CTNNA2: variants seen among roughly 807,000 people sequenced by gnomAD.
The protein encoded by CTNNA2 is catenin alpha-2.
Under a neutral mutation model 101.0 loss-of-function variants are expected in CTNNA2, and 42 were observed. The observed-to-expected ratio is 0.42, with a 90% CI of 0.32 to 0.54. CTNNA2 has a LOEUF of 0.54. Among genes scored for constraint, CTNNA2 ranks in the 20% least tolerant of loss-of-function variants. The probability of loss-of-function intolerance (pLI) is 0.14; values close to 1 mark genes in which losing one functional copy is unlikely to be tolerated. For synonymous variants in CTNNA2, 450 were observed against 456.4 expected (o/e 0.99, Z 0.18); for missense variants, 871 against 1,223.1 (o/e 0.71, Z 4.29).
chr2:80,146,716 T>TG (rs1558851265), intron 7 of CTNNA2, among the ~76,000 whole-genome samples: 2 of 76,254 alleles, frequency 2.6e-5, no homozygotes, highest in East Asian at 6.0e-4. Context: ...TCTGGTTTTT[T>TG]TTTTTTTTTT....
chr2:80,224,606 G>A (rs1159649614), intron 7 of CTNNA2, among the ~76,000 whole-genome samples: 4 of 151,832 alleles, frequency 2.6e-5, no homozygotes, highest in African/African-American at 4.8e-5. Context: ...CACCATGCCC[G>A]GCTAATGTTT....
chr2:79,397,511 G>A (rs1475746671), intron 4 of CTNNA2, among the ~76,000 whole-genome samples: 1 of 152,032 alleles, frequency 6.6e-6, no homozygotes, highest in Non-Finnish European at 1.5e-5. Context: ...TTAAATAACA[G>A]CTTTTTCCCT....
intron 4 of CTNNA2, among the ~76,000 whole-genome samples, chr2:79,423,187 A>G (rs1179247890): frequency 3.3e-5 from 5 of 152,086 alleles, no homozygotes; most frequent in East Asian, 1.9e-4. Context: ...AAAAAAATCT[A>G]ATTTACTCTG....
At chr2:79,870,226 C>A (rs1348777625) in intron 5 of CTNNA2, among the ~76,000 whole-genome samples, 2 of 152,140 alleles carry the variant, frequency 1.3e-5, no homozygotes, top group African/African-American at 4.8e-5. Flanking sequence ...GAACACAGCT[C>A]TGATGTCAAA....
At chr2:79,636,776 CAT>C (rs1489268712) in intron 1 of CTNNA2, 2 of 152,186 alleles carry the variant, frequency 1.3e-5, no homozygotes, top group East Asian at 3.9e-4. Flanking sequence ...AATTTTGATG[CAT>C]ATCTTTCCAG....
chr2:80,608,430 G>A, intron 17 of CTNNA2, 112 bp downstream of exon 17: 1 of 1,144,548 alleles, frequency 8.7e-7, no homozygotes, highest in Non-Finnish European at 1.2e-6. Flanking sequence ...TTTATAGGGA[G>A]GGCTTTTTTT....
intron 7 of CTNNA2, chr2:80,378,715 A>T (rs1676219672): frequency 1.3e-5 from 2 of 152,070 alleles, no homozygotes; most frequent in South Asian, 4.2e-4. Flanking sequence ...AGCTTCAAGC[A>T]CCCACCTTTA....
At chr2:80,097,991 C>T (rs891361989) in intron 7 of CTNNA2, among the ~76,000 whole-genome samples, 9 of 152,156 alleles carry the variant, frequency 5.9e-5, no homozygotes, top group African/African-American at 1.4e-4. Context: ...CTTCTGAAAC[C>T]TTCTTCTCTC....
chr2:79,539,626 A>G (rs774554580), intron 1 of CTNNA2, among the ~76,000 whole-genome samples: 7 of 152,172 alleles, frequency 4.6e-5, no homozygotes, highest in Non-Finnish European at 8.8e-5. Flanking sequence ...AGGTTTGGAA[A>G]TGCTACTTTT....
chr2:79,955,824 A>G (rs1689184110), intron 7 of CTNNA2, among the ~76,000 whole-genome samples: 1 of 152,068 alleles, frequency 6.6e-6, no homozygotes, highest in Non-Finnish European at 1.5e-5. Flanking sequence ...CCCCCAGGGG[A>G]CCTATGGGTT....
chr2:79,641,795 C>T (rs1226299102), intron 1 of CTNNA2, among the ~76,000 whole-genome samples: 5 of 152,136 alleles, frequency 3.3e-5, no homozygotes, highest in African/African-American at 1.2e-4. Context: ...TTGACAGATA[C>T]TAAATTTTAT....
At chr2:79,971,672 T>A (rs548862979) in intron 7 of CTNNA2, among the ~76,000 whole-genome samples, 1 of 152,342 alleles carries the variant, frequency 6.6e-6, no homozygotes, top group African/African-American at 2.4e-5. Context: ...TGAAGAGCTA[T>A]GTTGTACTTT....
intron 2 of CTNNA2, among the ~76,000 whole-genome samples, chr2:79,217,728 G>A (rs913533279): frequency 1.3e-5 from 2 of 152,182 alleles, no homozygotes; most frequent in Non-Finnish European, 2.9e-5. Flanking sequence ...AAGGATTCTA[G>A]AGGAAATCAA....
chr2:79,757,023 C>T (rs1672448115), intron 3 of CTNNA2, among the ~76,000 whole-genome samples: 1 of 152,178 alleles, frequency 6.6e-6, no homozygotes, highest in Admixed American at 6.5e-5. Flanking sequence ...TAAAACTAAA[C>T]AGATTTAATT....
chr2:80,335,231 T>A (rs1177580713), intron 7 of CTNNA2, among the ~76,000 whole-genome samples: 1 of 152,176 alleles, frequency 6.6e-6, no homozygotes, highest in Non-Finnish European at 1.5e-5. Flanking sequence ...CTTAACAATG[T>A]GATGTAAATG....
At chr2:79,337,213 A>T (rs1473051750) in intron 3 of CTNNA2, among the ~76,000 whole-genome samples, 1 of 152,218 alleles carries the variant, frequency 6.6e-6, no homozygotes, top group African/African-American at 2.4e-5. Flanking sequence ...TATGGCATAC[A>T]TAAGTCTGTA....
intron 1 of CTNNA2, among the ~76,000 whole-genome samples, chr2:79,610,193 A>T (rs946660214): frequency 6.6e-6 from 1 of 152,148 alleles, no homozygotes; most frequent in African/African-American, 2.4e-5. Flanking sequence ...GTCACTAAGG[A>T]TATGTAAATT....
intron 4 of CTNNA2, among the ~76,000 whole-genome samples, chr2:79,866,030 G>A (rs1220389615): frequency 6.6e-6 from 1 of 152,184 alleles, no homozygotes; most frequent in Admixed American, 6.5e-5. Context: ...GCTTTTTTAT[G>A]TTGAAGTAAG....
At chr2:79,780,337 A>G (rs1482986325) in intron 3 of CTNNA2, among the ~76,000 whole-genome samples, 1 of 152,194 alleles carries the variant, frequency 6.6e-6, no homozygotes, top group Non-Finnish European at 1.5e-5. Flanking sequence ...CTCAGAATAA[A>G]TCTCTTCAAA....
Sources: gnomAD v4.1 joint callset for allele counts (sites outside exome capture counted in the v4.1 genomes callset) on GRCh38, gnomAD v4.1.1 for gene constraint, MANE v1.5 for transcripts, NCBI Gene and HGNC (gene_info 2026-07-23, HGNC 2026-07-21) for gene names.